Variants in STXBP4 observed in about 807,000 individuals in gnomAD.
STXBP4 encodes syntaxin binding protein 4.
STXBP4 carries 55 observed loss-of-function variants against 76.1 expected under a neutral mutation model. The ratio of observed to expected loss-of-function variants is 0.72; its 90% CI spans 0.58 to 0.91. The LOEUF (loss-of-function observed/expected upper bound fraction) is 0.91, where lower values mean the gene tolerates loss of function less well. Ranked by LOEUF, STXBP4 falls within the 40% of genes least tolerant of loss-of-function variation. The pLI is 0.00. For synonymous variants in STXBP4, 201 were observed against 220.2 expected (o/e 0.91, Z 0.77); for missense variants, 618 against 636.9 (o/e 0.97, Z 0.32).
At chr17:55,133,913 T>TTTGTAAGGTTTAGTTATAAAGTAG (rs1421768539) in intron 16 of STXBP4, among the ~76,000 whole-genome samples, 1 of 152,106 alleles carries the variant, frequency 6.6e-6, no homozygotes, top group African/African-American at 2.4e-5. Context: ...TTGTAAGGTT[T>TTTGTAAGGTTTAGTTATAAAGTAG]TTGTAAGGTT....
chr17:55,010,894 CTT>C (rs1214603729), intron 8 of STXBP4, among the ~76,000 whole-genome samples: 1 of 152,128 alleles, frequency 6.6e-6, no homozygotes, highest in Non-Finnish European at 1.5e-5. Context: ...AATTAACAAA[CTT>C]TTATTTTTGC....
intron 8 of STXBP4, among the ~76,000 whole-genome samples, chr17:55,029,469 TAGTG>T (rs1454045504): frequency 6.6e-6 from 1 of 151,938 alleles, no homozygotes; most frequent in Non-Finnish European, 1.5e-5. Context: ...TAATTGATGA[TAGTG>T]AGTATATAGG....
chr17:54,986,256 C>G lies in STXBP4; in HGVS notation c.37C>G (p.Leu13Val), dbSNP rs1304265704. The G allele has an allele frequency of 6.3e-7, 1 of 1,595,234 alleles. No individual in the cohort carries two copies. Among genetic ancestry groups the G allele is most frequent in the Admixed American group, 1.8e-5 (1 of 56,768 alleles). ...KNTSTVVSPS[L>V]LEKDPAFQMI... ...TACATCTACTGTAGTATCACCCAGT[C>G]TACTTGAAAAGTAATTTTTAAGTTT... is the stretch of plus-strand genomic sequence containing the variant. Residue 13 changes from leucine (L) to valine (V), a missense_variant, in exon 3 of 18, where the codon CTA (leucine) becomes GTA (valine). By Grantham distance (32) the Leu-to-Val change is conservative. Coordinates refer to ENST00000376352, the MANE Select transcript of STXBP4 (RefSeq NM_178509.6).
intron 16 of STXBP4, among the ~76,000 whole-genome samples, chr17:55,088,970 A>G (rs2079375472): frequency 6.6e-6 from 1 of 152,218 alleles, no homozygotes; most frequent in Non-Finnish European, 1.5e-5. Context: ...GAATACATGT[A>G]AACAATGCTC....
chr17:55,034,837 T>A (rs2078570741), intron 10 of STXBP4, among the ~76,000 whole-genome samples: 1 of 152,082 alleles, frequency 6.6e-6, no homozygotes, highest in African/African-American at 2.4e-5. Flanking sequence ...TTTTGTGCTT[T>A]ATGTAAAATG....
At chr17:54,991,847 TATC>T (rs1196453699) in intron 4 of STXBP4, 1 of 151,716 alleles carries the variant, frequency 6.6e-6, no homozygotes, top group East Asian at 1.9e-4. Flanking sequence ...ATTCTATTAA[TATC>T]AAGCTATATA....
chr17:55,034,866 G>A (rs2144698320), intron 10 of STXBP4, among the ~76,000 whole-genome samples: 1 of 152,016 alleles, frequency 6.6e-6, no homozygotes. Context: ...AAGTCTATTA[G>A]CTTCAATCAT....
intron 12 of STXBP4, among the ~76,000 whole-genome samples, chr17:55,062,217 C>A (rs2079002552): frequency 2.0e-5 from 3 of 151,958 alleles, no homozygotes; most frequent in South Asian, 2.1e-4. Context: ...TTAGGTATTT[C>A]TCCTAATGCT....
chr17:55,141,244 G>A (rs749077580), intron 16 of STXBP4, 66 bp from the exon 17 acceptor site: 6 of 1,308,284 alleles, frequency 4.6e-6, no homozygotes, highest in Admixed American at 3.7e-5. Flanking sequence ...AGGGAGGTTT[G>A]TGTCCAGGAA....
intron 7 of STXBP4, among the ~76,000 whole-genome samples, chr17:55,004,691 A>G (rs1310104356): frequency 2.0e-5 from 3 of 151,834 alleles, no homozygotes; most frequent in African/African-American, 7.3e-5. Flanking sequence ...ACAGAGCAAG[A>G]CCAAGACGCC....
chr17:55,134,126 A>G (rs1180927468), intron 16 of STXBP4, among the ~76,000 whole-genome samples: 1 of 152,112 alleles, frequency 6.6e-6, no homozygotes, highest in Non-Finnish European at 1.5e-5. Flanking sequence ...TGAGTAAGTA[A>G]GATGGGAGGA....
the STXBP4 span, among the ~76,000 whole-genome samples, chr17:55,191,277 C>T: frequency 6.6e-6 from 1 of 152,134 alleles, no homozygotes; most frequent in Non-Finnish European, 1.5e-5. Flanking sequence ...TCTCAAACTA[C>T]AATGTGCATA....
the STXBP4 span, among the ~76,000 whole-genome samples, chr17:55,181,282 A>G: frequency 6.6e-6 from 1 of 152,248 alleles, no homozygotes; most frequent in African/African-American, 2.4e-5. Flanking sequence ...CCTTCTTAGA[A>G]TGTAGTTGTA....
At chr17:55,185,880 T>A in the STXBP4 span, among the ~76,000 whole-genome samples, 1 of 152,168 alleles carries the variant, frequency 6.6e-6, no homozygotes, top group Non-Finnish European at 1.5e-5. Context: ...AACGTCATGT[T>A]TAAAGGCACG....
At chr17:55,048,684 A>G (rs2078822294) in intron 12 of STXBP4, among the ~76,000 whole-genome samples, 1 of 151,934 alleles carries the variant, frequency 6.6e-6, no homozygotes, top group Non-Finnish European at 1.5e-5. Context: ...AGGAAGAGAC[A>G]AAATCCTATC....
At chr17:55,141,189 A>C in intron 16 of STXBP4, 121 bp from the exon 17 acceptor site, 2 of 805,424 alleles carry the variant, frequency 2.5e-6, no homozygotes. Flanking sequence ...CCCTTTCTAG[A>C]AAATTATTTT....
At chr17:54,969,117 TGG>T (rs904103729) in intron 1 of STXBP4, among the ~76,000 whole-genome samples, 7 of 152,190 alleles carry the variant, frequency 4.6e-5, no homozygotes, top group Non-Finnish European at 1.0e-4. Context: ...GCAGCCCTCA[TGG>T]GCACCCACGA....
intron 12 of STXBP4, among the ~76,000 whole-genome samples, chr17:55,069,006 T>C (rs1344400104): frequency 6.6e-6 from 1 of 152,086 alleles, no homozygotes; most frequent in East Asian, 1.9e-4. Flanking sequence ...AAAGTATTGG[T>C]AGCCTACAAA....
chr17:55,076,244 A>G (rs2079180262), intron 13 of STXBP4, among the ~76,000 whole-genome samples: 2 of 151,904 alleles, frequency 1.3e-5, no homozygotes, highest in South Asian at 4.1e-4. Context: ...GACATTGATT[A>G]TTTGTTTTGT....
Sources: gnomAD v4.1 joint callset for allele counts (sites outside exome capture counted in the v4.1 genomes callset) on GRCh38, gnomAD v4.1.1 for gene constraint, MANE v1.5 for transcripts, NCBI Gene and HGNC (gene_info 2026-07-23, HGNC 2026-07-21) for gene names.